Variants in CNTNAP2 observed in about 807,000 individuals in gnomAD.
CNTNAP2 encodes contactin-associated protein-like 2.
A neutral mutation model predicts 155.2 loss-of-function variants in CNTNAP2; 98 were observed. The observed-to-expected ratio is 0.63, with a 90% CI of 0.54 to 0.75. The LOEUF (loss-of-function observed/expected upper bound fraction) is 0.75. CNTNAP2 is among the 30% of genes least tolerant of loss of function. CNTNAP2 has a pLI of 0.00. For synonymous variants in CNTNAP2, 651 were observed against 631.2 expected (o/e 1.03, Z -0.47); for missense variants, 1,727 against 1,688.1 (o/e 1.02, Z -0.40).
intron 8 of CNTNAP2, among the ~76,000 whole-genome samples, chr7:147,275,407 G>C (rs972365867): frequency 1.4e-5 from 2 of 145,232 alleles, no homozygotes; most frequent in African/African-American, 5.0e-5. Context: ...TAGTGTGCTT[G>C]TGTATGTTTG....
rs191883109 is a variant in CNTNAP2 at position 146,144,139 on chromosome 7, A to G, written c.97+27166A>G. Among the ~76,000 whole-genome samples, 10 of 151,530 alleles carry G rather than the reference A, an allele frequency of 6.6e-5. No homozygotes were observed. In the East Asian group the frequency reaches 9.7e-4, roughly 15 times the overall value. ...CACAAGCTTTTTGTGACTTCCTAAA[A>G]TATTTATTTATTTATTTATTTATTT... On this transcript the variant is annotated intron_variant, in intron 1 of 23. Coordinates refer to ENST00000361727, the MANE Select transcript of CNTNAP2 (RefSeq NM_014141.6).
chr7:146,752,234 TCCC>T (rs1801918209), intron 1 of CNTNAP2, among the ~76,000 whole-genome samples: 1 of 152,168 alleles, frequency 6.6e-6, no homozygotes, highest in Non-Finnish European at 1.5e-5. Context: ...TAATTTACAC[TCCC>T]ACCAACGGTG....
intron 20 of CNTNAP2, among the ~76,000 whole-genome samples, chr7:148,234,675 C>G (rs1394767007): frequency 6.6e-6 from 1 of 152,166 alleles, no homozygotes; most frequent in Non-Finnish European, 1.5e-5. Context: ...TGAGGTAGAG[C>G]AGGATGATGG....
chr7:147,790,271 C>T lies in CNTNAP2; in HGVS notation c.2099-113294C>T, dbSNP rs1363236762. ...TGCTCACTTTCTTCAACATATATAT[C>T]ACTATCCGAAAGTATTGATTCATTT... On this transcript the variant is annotated intron_variant, in intron 13 of 23. Coordinates refer to ENST00000361727, the MANE Select transcript of CNTNAP2 (RefSeq NM_014141.6). Among the ~76,000 whole-genome samples, 3 of 152,088 alleles carry T rather than the reference C, an allele frequency of 2.0e-5. No homozygotes were observed. The East Asian group carries it at 5.8e-4, about 29-fold the overall frequency.
intron 1 of CNTNAP2, among the ~76,000 whole-genome samples, chr7:146,439,647 T>A (rs1295697732): frequency 6.6e-6 from 1 of 151,554 alleles, no homozygotes; most frequent in Admixed American, 6.6e-5. Flanking sequence ...TCTACAACTT[T>A]CCACAAAACA....
At chr7:147,165,207 G>A (rs541843529) in intron 8 of CNTNAP2, among the ~76,000 whole-genome samples, 3 of 151,978 alleles carry the variant, frequency 2.0e-5, no homozygotes. Context: ...GGAGTAAGGG[G>A]GTATTGCATT....
At chr7:146,223,292 C>A (rs2693306) in intron 1 of CNTNAP2, among the ~76,000 whole-genome samples, 2 of 152,016 alleles carry the variant, frequency 1.3e-5, no homozygotes, top group East Asian at 1.9e-4. Context: ...ATGCTAATAA[C>A]GTGATTAATA....
intron 1 of CNTNAP2, among the ~76,000 whole-genome samples, chr7:146,705,449 T>G (rs344450): frequency 0.033 from 5,055 of 152,116 alleles, 104 homozygotes; most frequent in Middle Eastern, 0.054. Context: ...AAAAAGGCAC[T>G]AATGACACTG....
chr7:147,690,536 C>T (rs1376845084), intron 13 of CNTNAP2, among the ~76,000 whole-genome samples: 2 of 151,658 alleles, frequency 1.3e-5, no homozygotes, highest in Non-Finnish European at 2.9e-5. Flanking sequence ...TGAAGTTTAT[C>T]GAGTAACAAA....
intron 13 of CNTNAP2, among the ~76,000 whole-genome samples, chr7:147,884,772 T>C (rs1297544145): frequency 6.6e-6 from 1 of 152,230 alleles, no homozygotes; most frequent in Non-Finnish European, 1.5e-5. Context: ...TCTGTGAGAT[T>C]GGAGGACTTT....
At chr7:147,705,211 C>T (rs1349630894) in intron 13 of CNTNAP2, among the ~76,000 whole-genome samples, 1 of 151,696 alleles carries the variant, frequency 6.6e-6, no homozygotes, top group African/African-American at 2.4e-5. Flanking sequence ...ATAAATTTTC[C>T]CCTTAGTTTT....
At chr7:146,790,186 T>C (rs1024778598) in intron 2 of CNTNAP2, among the ~76,000 whole-genome samples, 1 of 152,180 alleles carries the variant, frequency 6.6e-6, no homozygotes, top group African/African-American at 2.4e-5. Flanking sequence ...ACCAAATCTT[T>C]CAAAGTTACC....
intron 20 of CNTNAP2, among the ~76,000 whole-genome samples, chr7:148,256,825 C>T (rs1017878203): frequency 1.3e-5 from 2 of 152,166 alleles, no homozygotes; most frequent in Non-Finnish European, 2.9e-5. Context: ...GCTCAGGAGA[C>T]AAATCTGTCT....
chr7:147,082,426 T>C (rs750327629), intron 4 of CNTNAP2: 1 of 152,170 alleles, frequency 6.6e-6, no homozygotes, highest in Non-Finnish European at 1.5e-5. Context: ...TAACCAGAAC[T>C]TGGTCGTGTG....
At chr7:147,264,702 A>G (rs1382833151) in intron 8 of CNTNAP2, among the ~76,000 whole-genome samples, 3 of 151,604 alleles carry the variant, frequency 2.0e-5, no homozygotes, top group Non-Finnish European at 4.4e-5. Flanking sequence ...ACCAGCAGCC[A>G]CAATAACACC....
intron 10 of CNTNAP2, among the ~76,000 whole-genome samples, chr7:147,461,913 C>T (rs1359963541): frequency 6.6e-6 from 1 of 152,138 alleles, no homozygotes; most frequent in Admixed American, 6.5e-5. Context: ...GTGAACAATA[C>T]AATATCTTTC....
At chr7:147,001,482 A>T (rs1009581253) in intron 3 of CNTNAP2, among the ~76,000 whole-genome samples, 2 of 152,244 alleles carry the variant, frequency 1.3e-5, no homozygotes, top group South Asian at 4.1e-4. Flanking sequence ...AAATTACCAT[A>T]GATCTTAATA....
chr7:146,659,294 TCAAGGAA>T (rs1800046296), intron 1 of CNTNAP2, among the ~76,000 whole-genome samples: 1 of 152,152 alleles, frequency 6.6e-6, no homozygotes, highest in Admixed American at 6.5e-5. Flanking sequence ...ATTTAAATGG[TCAAGGAA>T]GGTTAATATC....
At chr7:146,354,260 G>A (rs531475281) in intron 1 of CNTNAP2, among the ~76,000 whole-genome samples, 3 of 152,258 alleles carry the variant, frequency 2.0e-5, no homozygotes, top group Admixed American at 6.5e-5. Flanking sequence ...ATCCTGTTGC[G>A]TGGTCTGCCT....
Sources: gnomAD v4.1 joint callset for allele counts (sites outside exome capture counted in the v4.1 genomes callset) on GRCh38, gnomAD v4.1.1 for gene constraint, MANE v1.5 for transcripts, NCBI Gene and HGNC (gene_info 2026-07-23, HGNC 2026-07-21) for gene names.